ARSB: variants seen among roughly 807,000 people sequenced by gnomAD.
The protein encoded by ARSB is arylsulfatase B, also known as N-acetylgalactosamine-4-sulfatase.
A neutral mutation model predicts 50.9 loss-of-function variants in ARSB; 41 were observed. That is an observed-to-expected ratio of 0.81 (90% confidence interval 0.63 to 1.04). The LOEUF is 1.04. ARSB is among the 50% of genes least tolerant of loss of function. ARSB has a pLI of 0.00. For synonymous variants in ARSB, 269 were observed against 284.8 expected (o/e 0.94, Z 0.56); for missense variants, 672 against 693.3 (o/e 0.97, Z 0.35).
At chr5:78,970,684 T>C (rs1240095646) in intron 1 of ARSB, among the ~76,000 whole-genome samples, 1 of 152,048 alleles carries the variant, frequency 6.6e-6, no homozygotes, top group Non-Finnish European at 1.5e-5. Context: ...CCAGGCGGGG[T>C]GGCTTATCCC....
At chr5:78,810,568 G>C (rs1221201763) in intron 6 of ARSB, among the ~76,000 whole-genome samples, 1 of 152,194 alleles carries the variant, frequency 6.6e-6, no homozygotes, top group Non-Finnish European at 1.5e-5. Flanking sequence ...TTTTCTGGGG[G>C]ACACACCACA....
rs903744071 is a variant in ARSB, at chr5:78,873,620, C to A, written c.1142+11964G>T. On this transcript the variant is annotated intron_variant, in intron 5 of 7. Coordinates refer to ENST00000264914, the MANE Select transcript of ARSB (RefSeq NM_000046.5). The stretch of plus-strand genomic sequence containing the variant: ...ACGCCATTCTCCTGCCTCAGCCTCC[C>A]AAGGAGCTGGGACTACAGGCGCCCG... Among the ~76,000 whole-genome samples the A allele has an allele frequency of 6.9e-4, 101 of 146,932 alleles. No homozygotes were observed. The East Asian group carries it at 0.017, about 24-fold the overall frequency.
chr5:78,858,740 A>G (rs934000863), intron 5 of ARSB, among the ~76,000 whole-genome samples: 3 of 152,230 alleles, frequency 2.0e-5, no homozygotes, highest in Non-Finnish European at 4.4e-5. Context: ...AACATTGACC[A>G]ACACATCCAC....
intron 6 of ARSB, among the ~76,000 whole-genome samples, chr5:78,792,405 T>A (rs1221085048): frequency 6.6e-6 from 1 of 151,742 alleles, no homozygotes; most frequent in East Asian, 1.9e-4. Flanking sequence ...AGTTACGCAT[T>A]CAAGGCCATC....
intron 4 of ARSB, among the ~76,000 whole-genome samples, chr5:78,909,356 G>A (rs1451801807): frequency 6.6e-6 from 1 of 152,122 alleles, no homozygotes; most frequent in Non-Finnish European, 1.5e-5. Flanking sequence ...CTGTGTCTGT[G>A]TTCTTAAGTT....
intron 5 of ARSB, among the ~76,000 whole-genome samples, chr5:78,879,570 C>T (rs1250723763): frequency 5.3e-5 from 8 of 152,212 alleles, no homozygotes; most frequent in Non-Finnish European, 1.5e-5. Flanking sequence ...TCCTATTTCA[C>T]GAGCCTCTTC....
chr5:78,777,572 G>T lies in ARSB; in HGVS notation c.*2825C>A, dbSNP rs1748804774. ...ACCTTCTGTAAAGGTAAAAAAATTT[G>T]CCGGGCACAGTGGCTCACACCTGTA... On this transcript the variant is annotated 3_prime_UTR_variant, in exon 8 of 8. Coordinates refer to ENST00000264914, the MANE Select transcript of ARSB (RefSeq NM_000046.5). 1 of 152,516 alleles carries T rather than the reference G, an allele frequency of 6.6e-6. No individual in the cohort carries two copies. The highest frequency in any genetic ancestry group is 2.4e-5 in the African/African-American group (1 of 41,392). The allele number at this position is 152,516 out of a possible 1,614,324, so 9.4% of individuals were successfully genotyped here. A position where few individuals can be genotyped will look rare whatever the true frequency, so the allele number is the denominator to read the frequency against.
At chr5:78,892,455 C>T (rs536328832) in intron 4 of ARSB, among the ~76,000 whole-genome samples, 2 of 152,064 alleles carry the variant, frequency 1.3e-5, no homozygotes, top group South Asian at 2.1e-4. Context: ...AGGGTTTCGC[C>T]TTGTCGGCCA....
At chr5:78,915,123 T>C (rs1353482149) in intron 4 of ARSB, among the ~76,000 whole-genome samples, 1 of 152,230 alleles carries the variant, frequency 6.6e-6, no homozygotes, top group Non-Finnish European at 1.5e-5. Flanking sequence ...AACTTTCCCT[T>C]TTGTCAAACA....
chr5:78,961,160 C>T lies in ARSB; in HGVS notation c.690+3256G>A, dbSNP rs144082386. On this transcript the variant is annotated intron_variant, in intron 3 of 7. Transcript: ENST00000264914. ...AATGATTTTTATCTTAGAACAAGTT[C>T]CTTATGCTACAATCTATATATAGTA... Among the ~76,000 whole-genome samples, 8 of 152,240 alleles carry T rather than the reference C, an allele frequency of 5.3e-5. No individual in the cohort carries two copies. The East Asian group carries it at 1.5e-3, about 29-fold the overall frequency.
chr5:78,945,168 C>T (rs894197288), intron 4 of ARSB, among the ~76,000 whole-genome samples: 1 of 152,182 alleles, frequency 6.6e-6, no homozygotes, highest in Non-Finnish European at 1.5e-5. Context: ...TTTCCAGGTG[C>T]CGTCTGTCAC....
At chr5:78,843,673 A>G (rs1354132446) in intron 5 of ARSB, among the ~76,000 whole-genome samples, 1 of 152,178 alleles carries the variant, frequency 6.6e-6, no homozygotes, top group Non-Finnish European at 1.5e-5. Flanking sequence ...TATCCTCCCA[A>G]AAGAAATACT....
intron 5 of ARSB, chr5:78,885,010 T>C (rs1440397371): frequency 6.5e-6 from 1 of 152,890 alleles, no homozygotes; most frequent in Non-Finnish European, 1.5e-5. Flanking sequence ...TTATCACAAC[T>C]GGCAGTCATC....
chr5:78,985,290 C>T lies in ARSB; in HGVS notation c.-42G>A. On this transcript the variant is annotated 5_prime_UTR_variant, in exon 1 of 8. Transcript: ENST00000264914. ...TCCCAGCGCCTGTGGCGCCACCAGCCCCTTGTACCGCTGATAGAATGAGGA... is the reference window on the plus strand; with the variant it reads ...TCCCAGCGCCTGTGGCGCCACCAGCTCCTTGTACCGCTGATAGAATGAGGA... 7.9e-7 allele frequency: 1 copy of T among 1,261,906 alleles called. No individual in the cohort carries two copies. The highest frequency in any genetic ancestry group is 9.9e-7 in the Non-Finnish European group (1 of 1,006,168). The allele number at this position is 1,261,906 out of a possible 1,614,324, so 78.2% of individuals were successfully genotyped here.
intron 4 of ARSB, among the ~76,000 whole-genome samples, chr5:78,929,688 G>C (rs1434553297): frequency 6.6e-6 from 1 of 151,384 alleles, no homozygotes; most frequent in Non-Finnish European, 1.5e-5. Flanking sequence ...AGCTACTAGA[G>C]AGGCTGAGGC....
chr5:78,953,048 G>T (rs1751554763), intron 4 of ARSB, among the ~76,000 whole-genome samples: 1 of 152,190 alleles, frequency 6.6e-6, no homozygotes, highest in South Asian at 2.1e-4. Flanking sequence ...GAGAGATCTT[G>T]TTAAGGGCTG....
At chr5:78,782,492 G>T (rs993196087) in intron 6 of ARSB, among the ~76,000 whole-genome samples, 3 of 152,196 alleles carry the variant, frequency 2.0e-5, no homozygotes, top group African/African-American at 7.2e-5. Context: ...GCAGTGCTCA[G>T]TTAACTATTC....
At chr5:78,956,470 T>C (rs1413714462) in intron 3 of ARSB, among the ~76,000 whole-genome samples, 4 of 152,076 alleles carry the variant, frequency 2.6e-5, no homozygotes, top group Non-Finnish European at 5.9e-5. Flanking sequence ...TAACTGAAAA[T>C]TTACTATTGA....
At chr5:78,954,802 G>GCCC (rs1452082923) in intron 4 of ARSB, among the ~76,000 whole-genome samples, 3 of 152,190 alleles carry the variant, frequency 2.0e-5, no homozygotes, top group Non-Finnish European at 4.4e-5. Flanking sequence ...ACCGCGCCCG[G>GCCC]CCCCAAAAAC....
Sources: allele counts gnomAD v4.1 joint callset (sites outside exome capture counted in the v4.1 genomes callset), GRCh38; gene constraint gnomAD v4.1.1; transcripts MANE v1.5; gene names NCBI Gene and HGNC (gene_info 2026-07-23, HGNC 2026-07-21).